Variants in RAB3C observed in about 807,000 individuals in gnomAD.
The protein encoded by RAB3C is ras-related protein Rab-3C.
In RAB3C, 17 loss-of-function variants were observed where a neutral mutation model predicts 26.4. The ratio of observed to expected loss-of-function variants is 0.64; its 90% confidence interval spans 0.44 to 0.97. The LOEUF (loss-of-function observed/expected upper bound fraction) is 0.97. RAB3C is among the 50% of genes least tolerant of loss of function. RAB3C has a pLI of 0.00. For missense variants in RAB3C, 242 were observed against 281.9 expected, an observed-to-expected ratio of 0.86 and a Z score of 1.01; for synonymous variants, 91 against 95.9, an observed-to-expected ratio of 0.95 and a Z score of 0.30.
chr5:58,628,519 A>C (rs981453923), intron 2 of RAB3C, among the ~76,000 whole-genome samples: 8 of 152,078 alleles, frequency 5.3e-5, no homozygotes, highest in African/African-American at 1.9e-4. Flanking sequence ...AGCCACTGCC[A>C]ATCAGTAGCT....
At chr5:58,770,928 ATAAATTTACACTTTTGAAT>A (rs1289554894) in intron 3 of RAB3C, among the ~76,000 whole-genome samples, 2 of 152,200 alleles carry the variant, frequency 1.3e-5, no homozygotes, top group East Asian at 3.8e-4. Flanking sequence ...AGAATACTTA[ATAAATTTACACTTTTGAAT>A]TAAATAAGAA....
At chr5:58,692,151 A>G (rs1748583034) in intron 2 of RAB3C, among the ~76,000 whole-genome samples, 2 of 152,322 alleles carry the variant, frequency 1.3e-5, no homozygotes, top group Admixed American at 6.5e-5. Context: ...ATGAAAGAAT[A>G]AGGTTGTATA....
At chr5:58,829,405 A>C (rs1394834725) in intron 4 of RAB3C, among the ~76,000 whole-genome samples, 1 of 152,186 alleles carries the variant, frequency 6.6e-6, no homozygotes, top group East Asian at 1.9e-4. Context: ...AAATAGAATA[A>C]TTTATCTGGG....
chr5:58,762,503 G>A (rs1466997834), intron 3 of RAB3C, among the ~76,000 whole-genome samples: 1 of 152,068 alleles, frequency 6.6e-6, no homozygotes, highest in Non-Finnish European at 1.5e-5. Context: ...AACTAGCCTG[G>A]CCAACATGGA....
intron 4 of RAB3C, among the ~76,000 whole-genome samples, chr5:58,845,520 A>G (rs554199064): frequency 7.7e-4 from 116 of 150,464 alleles, no homozygotes; most frequent in African/African-American, 2.5e-3. Context: ...GGTTTCCCCA[A>G]TCGGCCATGG....
intron 2 of RAB3C, among the ~76,000 whole-genome samples, chr5:58,659,588 T>C (rs977188341): frequency 6.6e-6 from 1 of 152,260 alleles, no homozygotes; most frequent in Non-Finnish European, 1.5e-5. Flanking sequence ...TCAGTTATGC[T>C]CTTGTGTTTA....
chr5:58,633,134 G>A (rs1269842844), intron 2 of RAB3C, among the ~76,000 whole-genome samples: 2 of 152,186 alleles, frequency 1.3e-5, no homozygotes, highest in African/African-American at 4.8e-5. Context: ...ATGACTAGAG[G>A]GAACTGACCT....
intron 2 of RAB3C, among the ~76,000 whole-genome samples, chr5:58,701,194 G>A (rs1748835330): frequency 1.3e-5 from 2 of 151,902 alleles, no homozygotes; most frequent in East Asian, 3.9e-4. Context: ...GTAGAGATGG[G>A]GTTTCACCAT....
chr5:58,718,160 T>G (rs1230274389), intron 2 of RAB3C, among the ~76,000 whole-genome samples: 2 of 152,030 alleles, frequency 1.3e-5, no homozygotes, highest in African/African-American at 4.8e-5. Flanking sequence ...AAAATCCCAC[T>G]GGGAAAAAGT....
chr5:58,830,581 T>C (rs1410665281), intron 4 of RAB3C, among the ~76,000 whole-genome samples: 1 of 152,188 alleles, frequency 6.6e-6, no homozygotes, highest in East Asian at 1.9e-4. Context: ...CCAGCATGCC[T>C]GATTTGGGAA....
chr5:58,709,393 C>T (rs929673049), intron 2 of RAB3C, among the ~76,000 whole-genome samples: 1 of 152,192 alleles, frequency 6.6e-6, no homozygotes, highest in Non-Finnish European at 1.5e-5. Context: ...ACCTCCTCCA[C>T]AGAGGCGAGT....
chr5:58,791,067 T>TA (rs3060348), intron 3 of RAB3C, among the ~76,000 whole-genome samples: 24,780 of 148,848 alleles, frequency 0.17, 2,098 homozygotes, highest in Non-Finnish European at 0.18. Flanking sequence ...TTTTTGACAT[T>TA]AAAAAAAAAA....
chr5:58,792,991 A>G (rs2112016433), intron 3 of RAB3C, among the ~76,000 whole-genome samples: 1 of 152,290 alleles, frequency 6.6e-6, no homozygotes, highest in Non-Finnish European at 1.5e-5. Context: ...ATAGAAAAAT[A>G]TTTAGAGTGT....
intron 2 of RAB3C, among the ~76,000 whole-genome samples, chr5:58,645,516 C>T (rs1206220495): frequency 6.6e-6 from 1 of 152,148 alleles, no homozygotes; most frequent in Non-Finnish European, 1.5e-5. Context: ...TTCATTCATC[C>T]ACCTACCCAC....
chr5:58,786,602 C>G (rs767096523), intron 3 of RAB3C, among the ~76,000 whole-genome samples: 1 of 152,032 alleles, frequency 6.6e-6, no homozygotes, highest in Non-Finnish European at 1.5e-5. Flanking sequence ...TAAATTATCC[C>G]AAATGTTTGA....
chr5:58,734,334 G>A (rs142933177), intron 3 of RAB3C, among the ~76,000 whole-genome samples: 242 of 152,212 alleles, frequency 1.6e-3, no homozygotes, highest in African/African-American at 5.4e-3. Context: ...CTAAGCCTCT[G>A]TTCAGAGCTT....
chr5:58,841,439 G>C (rs937610792), intron 4 of RAB3C, among the ~76,000 whole-genome samples: 1 of 152,134 alleles, frequency 6.6e-6, no homozygotes, highest in African/African-American at 2.4e-5. Context: ...TGGAGTCCCA[G>C]TGCTGGAGAG....
At chr5:58,683,245 G>A (rs1294430512) in intron 2 of RAB3C, among the ~76,000 whole-genome samples, 1 of 152,142 alleles carries the variant, frequency 6.6e-6, no homozygotes, top group Non-Finnish European at 1.5e-5. Flanking sequence ...ACTTTTATAA[G>A]TTTTAAAGCT....
At chr5:58,805,417 C>T (rs2548250) in intron 3 of RAB3C, among the ~76,000 whole-genome samples, 88,183 of 151,316 alleles carry the variant, frequency 0.58, 25,842 homozygotes, top group Middle Eastern at 0.71. Context: ...AAACCTCATC[C>T]CTACTAAAAA....
Sources: allele counts gnomAD v4.1 joint callset (sites outside exome capture counted in the v4.1 genomes callset), GRCh38; gene constraint gnomAD v4.1.1; transcripts MANE v1.5; gene names NCBI Gene and HGNC (gene_info 2026-07-23, HGNC 2026-07-21).